The following ZFYVE27 variants were observed in gnomAD, a reference collection of about 807,000 sequenced individuals.
ZFYVE27 encodes the protein protrudin.
A neutral mutation model predicts 52.8 loss-of-function variants in ZFYVE27; 36 were observed. That is an observed-to-expected ratio of 0.68 (90% CI 0.52 to 0.90). The LOEUF (loss-of-function observed/expected upper bound fraction) is 0.90, where lower values mean the gene tolerates loss of function less well. ZFYVE27 is among the 40% of genes least tolerant of loss of function. ZFYVE27 has a pLI of 0.00. For synonymous variants in ZFYVE27, 223 were observed against 215.6 expected (o/e 1.03, Z -0.30); for missense variants, 450 against 527.2 (o/e 0.85, Z 1.43).
At chr10:97,753,530 T>G (rs1012631671) in intron 10 of ZFYVE27, among the ~76,000 whole-genome samples, 3 of 151,970 alleles carry the variant, frequency 2.0e-5, no homozygotes, top group African/African-American at 7.3e-5. Context: ...AGGAACAGAG[T>G]AGAGTCTCAC....
chr10:97,754,811 C>T, intron 10 of ZFYVE27: 4 of 1,289,008 alleles, frequency 3.1e-6, no homozygotes, highest in Non-Finnish European at 4.0e-6. Flanking sequence ...AGAAGTATTA[C>T]TCTGGTCCAG....
rs1217176515 is a variant in ZFYVE27 at position 97,760,497 on chromosome 10, A to G, written c.*1197A>G. 1.3e-5 allele frequency: 2 copies of G among 152,162 alleles called. No individual in the cohort carries two copies. Among genetic ancestry groups the G allele is most frequent in the Admixed American group, 1.3e-4 (2 of 15,256 alleles). 9.4% of individuals were successfully genotyped at this position (152,162 alleles called of 1,614,324 possible). ...ATGGTTCCTGGGAACATGTGGCACA[A>G]GTAATGGGATGAGGAGGAATTGGGG... is the stretch of plus-strand genomic sequence containing the variant. On this transcript the variant is annotated 3_prime_UTR_variant, in exon 13 of 13. Transcript: ENST00000684270.
intron 7 of ZFYVE27, among the ~76,000 whole-genome samples, chr10:97,750,984 G>A (rs2046827476): frequency 6.6e-6 from 1 of 152,090 alleles, no homozygotes. Context: ...CTCAAGTGAT[G>A]TGCCTGCCTC....
chr10:97,752,738 G>T, intron 8 of ZFYVE27, 119 bp from the exon 9 acceptor site: 1 of 1,167,392 alleles, frequency 8.6e-7, no homozygotes, highest in Non-Finnish European at 1.2e-6. Flanking sequence ...GAAGTGCGCA[G>T]AGCTCAGAGC....
intron 4 of ZFYVE27, 115 bp from the exon 5 acceptor site, chr10:97,748,154 T>TG (rs776709715): frequency 4.4e-4 from 421 of 955,346 alleles, no homozygotes; most frequent in Non-Finnish European, 6.3e-4. Flanking sequence ...TTTAAGCACA[T>TG]GGTGAGTGTG....
intron 4 of ZFYVE27, 78 bp downstream of exon 4, chr10:97,744,993 C>A: frequency 1.3e-6 from 2 of 1,487,362 alleles, no homozygotes; most frequent in South Asian, 1.2e-5. Flanking sequence ...TTTGTGTGCT[C>A]GACATCATAT....
intron 4 of ZFYVE27, among the ~76,000 whole-genome samples, chr10:97,747,484 G>A (rs903346002): frequency 1.3e-5 from 2 of 152,072 alleles, no homozygotes; most frequent in Non-Finnish European, 2.9e-5. Context: ...TTATTCTATC[G>A]ACATTTTTTT....
Position 97,739,074 on chromosome 10 carries a change from G to A in ZFYVE27, c.197+400G>A, listed in dbSNP as rs547750717. Among the ~76,000 whole-genome samples the A allele has an allele frequency of 2.7e-5, 4 of 149,462 alleles. No individual in the cohort carries two copies. The South Asian group carries it at 8.6e-4, about 32-fold the overall frequency. On this transcript the variant is annotated intron_variant, in intron 2 of 12. Transcript: ENST00000684270. ...AAAAATTAAAGAAATACAAAAACCT[G>A]TGAATAAGCAGATACCATTTTCACT...
chr10:97,749,083 A>G (rs1409138382), intron 5 of ZFYVE27, among the ~76,000 whole-genome samples: 3 of 152,176 alleles, frequency 2.0e-5, no homozygotes, highest in African/African-American at 7.2e-5. Flanking sequence ...GGTAGGCGCT[A>G]CTTCAGTCCC....
intron 10 of ZFYVE27, chr10:97,754,971 T>C: frequency 2.9e-6 from 1 of 342,382 alleles, no homozygotes; most frequent in African/African-American, 2.2e-5. Flanking sequence ...GGTTGTCTGA[T>C]TCGGCTCTTG....
chr10:97,738,483 G>C lies in ZFYVE27; in HGVS notation c.6G>C (p.Gln2His), dbSNP rs1002066804. Reference sequence around the variant, plus strand: ...GGAATTATTATGGTTACAGGATGCAGACATCAGAACGTGAGGGGAGTGGGC... The same window carrying C: ...GGAATTATTATGGTTACAGGATGCACACATCAGAACGTGAGGGGAGTGGGC... M[Q>H]TSEREGSGPE... Residue 2 changes from glutamine (Q) to histidine (H), a missense_variant, in exon 2 of 13, where the codon CAG becomes CAC. By Grantham distance (24) the Gln-to-His change is conservative. Transcript: ENST00000684270. 1.2e-5 allele frequency: 19 copies of C among 1,614,056 alleles called. No homozygotes were observed. The highest frequency in any genetic ancestry group is 1.6e-5 in the Non-Finnish European group (19 of 1,180,046).
chr10:97,757,340 G>T lies in ZFYVE27; in HGVS notation c.1089+29G>T. ...AGTGTCTGTGAGGGTGCATTTGTTG[G>T]GGACAGTGTCCTTGGGACTGTCGGG... On this transcript the variant is annotated intron_variant, in intron 11 of 12. Coordinates refer to ENST00000684270, the MANE Select transcript of ZFYVE27 (RefSeq NM_001385875.1). The T allele has an allele frequency of 1.9e-6, 3 of 1,614,086 alleles. No individual in the cohort carries two copies. The South Asian group carries it at 3.3e-5, about 18-fold the overall frequency.
Position 97,744,281 on chromosome 10 carries a change from A to G in ZFYVE27, c.269-448A>G, listed in dbSNP as rs939078334. 2.6e-5 allele frequency among the ~76,000 whole-genome samples: 4 copies of G among 152,340 alleles called. No individual in the cohort carries two copies. In the East Asian group the frequency reaches 5.8e-4, roughly 22 times the overall value. ...CGGCTTCGCCATTTCTCAAGGCACA[A>G]TCGTCTGCAGTGTCCTAAAAGCTGA... On this transcript the variant is annotated intron_variant, in intron 3 of 12. Transcript: ENST00000684270.
intron 4 of ZFYVE27, among the ~76,000 whole-genome samples, chr10:97,745,489 T>C (rs944333463): frequency 9.2e-5 from 14 of 152,222 alleles, no homozygotes; most frequent in African/African-American, 3.4e-4. Context: ...CTGTTCTTTC[T>C]GCTGGAGAGA....
intron 10 of ZFYVE27, among the ~76,000 whole-genome samples, chr10:97,754,387 A>C (rs1169555498): frequency 6.7e-6 from 1 of 148,274 alleles, no homozygotes; most frequent in African/African-American, 2.5e-5. Context: ...ATCACAGCTC[A>C]CTGCATCCTC....
rs756888049 is a variant in ZFYVE27 at position 97,749,582 on chromosome 10, C to T, written c.660C>T (p.Phe220=). The change falls in exon 6 of 13, where the codon TTC becomes TTT. Residue 220 remains phenylalanine (F), a synonymous_variant. Coordinates refer to ENST00000684270, the MANE Select transcript of ZFYVE27 (RefSeq NM_001385875.1). ...TCTTTCTGGGGAATGTGGAGTTCTT[C>T]CGAGGTAAGCCCTGAAGGGCCTGAA... The part of the protein sequence containing the change: ...STLFLGNVEF[F]RVVSEYRASL... 7 of 1,613,958 alleles carry T rather than the reference C, an allele frequency of 4.3e-6. No individual in the cohort carries two copies. The highest frequency in any genetic ancestry group is 1.6e-4 in the Middle Eastern group (1 of 6,062).
At chr10:97,750,543 T>C (rs2046658791) in intron 7 of ZFYVE27, 73 bp downstream of exon 7, 11 of 1,595,480 alleles carry the variant, frequency 6.9e-6, no homozygotes, top group Non-Finnish European at 9.4e-6. Context: ...TGTTTTTGGC[T>C]CCTGGGCTGG....
At chr10:97,746,952 A>G (rs2045606348) in intron 4 of ZFYVE27, among the ~76,000 whole-genome samples, 1 of 152,136 alleles carries the variant, frequency 6.6e-6, no homozygotes, top group Non-Finnish European at 1.5e-5. Flanking sequence ...CAGCCTCCCA[A>G]AGTGCTGGGA....
At position 97,744,914 on chromosome 10, in the gene ZFYVE27, T is replaced by C. The variant is rs1459235970; in HGVS notation, c.454T>C (p.Phe152Leu). The change falls in exon 4 of 13, where the codon TTC becomes CTC. Residue 152 changes from phenylalanine to leucine, a missense_variant and splice_region_variant. Coordinates refer to ENST00000684270, the MANE Select transcript of ZFYVE27 (RefSeq NM_001385875.1). ...CGAGGCCGTGGCTGAGGTGAAGAGC[T>C]TGTGAGTATGGAAGAGAGGCCAGGG... ...RPEAVAEVKS[F>L]LIQLEAFLSR... 1.3e-6 allele frequency: 2 copies of C among 1,570,486 alleles called. No homozygotes were observed. Among genetic ancestry groups the C allele is most frequent in the Admixed American group, 3.7e-5 (2 of 53,722 alleles).
Sources: allele counts gnomAD v4.1 joint callset (sites outside exome capture counted in the v4.1 genomes callset), GRCh38; gene constraint gnomAD v4.1.1; transcripts MANE v1.5; gene names NCBI Gene and HGNC (gene_info 2026-07-23, HGNC 2026-07-21).